The following VWDE variants were observed in gnomAD, a reference collection of about 807,000 sequenced individuals.
The protein encoded by VWDE is von Willebrand factor D and EGF domains.
Under a neutral mutation model 178.4 loss-of-function variants are expected in VWDE, and 207 were observed. The observed-to-expected ratio is 1.16, with a 90% CI of 1.04 to 1.30. The LOEUF is 1.30. Among genes scored for constraint, VWDE ranks in the 50% most tolerant of loss-of-function variants. The pLI is 0.00. For synonymous variants in VWDE, 738 were observed against 651.4 expected (o/e 1.13, Z -2.02); for missense variants, 2,287 against 1,901.3 (o/e 1.20, Z -3.77).
At position 12,342,144 on chromosome 7, in the gene VWDE, G is replaced by C. The variant is rs1004671794; in HGVS notation, c.4185C>G (p.Asn1395Lys). 2 of 1,551,138 alleles carry C rather than the reference G, an allele frequency of 1.3e-6. No homozygotes were observed. The highest frequency in any genetic ancestry group is 2.7e-5 in the African/African-American group (2 of 73,034). Residue 1395 changes from asparagine (N) to lysine (K), a missense_variant, in exon 23 of 29, where the codon AAC (asparagine) becomes AAG (lysine). Coordinates refer to ENST00000275358, the MANE Select transcript of VWDE (RefSeq NM_001135924.3). ...ACTGGCCTCCATTTTCACAGTGCCT[G>C]TTACAAACCACTGAGATCATAGAAT... is the stretch of plus-strand genomic sequence containing the variant. The part of the protein sequence containing the change: ...VGPRCETMVC[N>K]RHCENGGQCL...
chr7:12,354,475 T>C (rs1437600213), intron 18 of VWDE: 2 of 379,696 alleles, frequency 5.3e-6, no homozygotes, highest in Non-Finnish European at 1.0e-5. Context: ...AACATCTTCC[T>C]GGCAATTTTT....
At chr7:12,382,773 C>T (rs896800286) in intron 4 of VWDE, among the ~76,000 whole-genome samples, 1 of 151,774 alleles carries the variant, frequency 6.6e-6, no homozygotes, top group Non-Finnish European at 1.5e-5. Context: ...TAAATAATTT[C>T]AATTTCTGCC....
chr7:12,367,696 T>C (rs1782938037), intron 12 of VWDE, among the ~76,000 whole-genome samples: 1 of 152,036 alleles, frequency 6.6e-6, no homozygotes, highest in Non-Finnish European at 1.5e-5. Flanking sequence ...AAACCAATAA[T>C]AATATTACAA....
intron 10 of VWDE, among the ~76,000 whole-genome samples, chr7:12,371,396 T>A (rs1783191576): frequency 6.6e-6 from 1 of 152,104 alleles, no homozygotes; most frequent in African/African-American, 2.4e-5. Flanking sequence ...GTTTGCTGAA[T>A]GACCCTAGTA....
chr7:12,338,788 T>G (rs73292380), intron 24 of VWDE, among the ~76,000 whole-genome samples: 2,362 of 152,218 alleles, frequency 0.016, 52 homozygotes, highest in African/African-American at 0.054. Flanking sequence ...GAAGGTGTAT[T>G]TAAATATCTC....
At chr7:12,392,521 A>G (rs966339676) in intron 2 of VWDE, among the ~76,000 whole-genome samples, 2 of 152,162 alleles carry the variant, frequency 1.3e-5, no homozygotes, top group Non-Finnish European at 2.9e-5. Flanking sequence ...CTATGAACGA[A>G]TTAGGGGAAC....
chr7:12,335,084 T>C (rs536838341), intron 27 of VWDE, among the ~76,000 whole-genome samples: 2 of 152,252 alleles, frequency 1.3e-5, no homozygotes, highest in East Asian at 1.9e-4. Flanking sequence ...AAGGGTATGG[T>C]TCATAAGACA....
intron 19 of VWDE, among the ~76,000 whole-genome samples, chr7:12,350,649 G>T (rs1408877028): frequency 6.6e-6 from 1 of 151,778 alleles, no homozygotes; most frequent in Non-Finnish European, 1.5e-5. Context: ...TGAGACCCTG[G>T]TCTCTTCAGT....
At chr7:12,390,509 G>A (rs1312699768) in intron 2 of VWDE, among the ~76,000 whole-genome samples, 1 of 151,344 alleles carries the variant, frequency 6.6e-6, no homozygotes, top group Non-Finnish European at 1.5e-5. Context: ...CAAAGCAAAG[G>A]AAAAACATAA....
At chr7:12,357,539 T>A in intron 16 of VWDE, 24 bp from the exon 17 acceptor site, 2 of 1,549,308 alleles carry the variant, frequency 1.3e-6, no homozygotes, top group Non-Finnish European at 1.7e-6. Flanking sequence ...AACACTTAAC[T>A]TTATACCCGT....
At chr7:12,380,368 A>C (rs1783777415) in intron 5 of VWDE, 118 bp downstream of exon 5, 1 of 1,357,096 alleles carries the variant, frequency 7.4e-7, no homozygotes, top group African/African-American at 1.5e-5. Context: ...AACAAAAAGA[A>C]AAATATTAGG....
intron 27 of VWDE, among the ~76,000 whole-genome samples, chr7:12,334,862 C>T (rs1180834085): frequency 6.6e-6 from 1 of 152,076 alleles, no homozygotes; most frequent in Non-Finnish European, 1.5e-5. Flanking sequence ...GTTGAGGTTG[C>T]TAACTTTTTT....
chr7:12,345,736 C>A (rs2128548053), intron 19 of VWDE, among the ~76,000 whole-genome samples: 1 of 152,254 alleles, frequency 6.6e-6, no homozygotes, highest in East Asian at 1.9e-4. Flanking sequence ...ACTTCCAACT[C>A]ACCCAGACTG....
intron 19 of VWDE, among the ~76,000 whole-genome samples, chr7:12,349,455 T>G (rs1781807129): frequency 6.6e-6 from 1 of 151,294 alleles, no homozygotes; most frequent in South Asian, 2.1e-4. Context: ...ATTTATAATT[T>G]AAACTTTGAG....
In VWDE at chr7:12,340,302, T is replaced by C. The variant is rs914669049; in HGVS notation, c.4366+20A>G. 3 of 1,531,942 alleles carry C rather than the reference T, an allele frequency of 2.0e-6. No homozygotes were observed. Among genetic ancestry groups the C allele is most frequent in the South Asian group, 1.2e-5 (1 of 82,798 alleles). The allele number at this position is 1,531,942 out of a possible 1,614,324, so 94.9% of individuals were successfully genotyped here. On this transcript the variant is annotated intron_variant, in intron 24 of 28. Transcript: ENST00000275358. ...TAACTTTCCATTTGCCCTTTTTACA[T>C]ACAAAGAAAGAATAATTACCATTCT...
At chr7:12,397,351 A>T (rs139646771) in intron 1 of VWDE, among the ~76,000 whole-genome samples, 2 of 152,332 alleles carry the variant, frequency 1.3e-5, no homozygotes, top group Admixed American at 1.3e-4. Context: ...TGGTCCTTGG[A>T]TAACTGGCTA....
intron 13 of VWDE, among the ~76,000 whole-genome samples, chr7:12,362,086 C>T (rs1782613082): frequency 6.6e-6 from 1 of 151,944 alleles, no homozygotes; most frequent in African/African-American, 2.4e-5. Context: ...TGTCAGTTGG[C>T]CTCTGATGGC....
At chr7:12,376,598 A>G (rs1482547443) in intron 7 of VWDE, among the ~76,000 whole-genome samples, 1 of 152,146 alleles carries the variant, frequency 6.6e-6, no homozygotes, top group Non-Finnish European at 1.5e-5. Flanking sequence ...GAAAACATCA[A>G]TAACATCATC....
At position 12,383,572 on chromosome 7, in the gene VWDE, C is replaced by T; in HGVS notation, c.505G>A (p.Gly169Ser). The change falls in exon 4 of 29, where the codon GGT becomes AGT. Residue 169 changes from glycine (G) to serine (S), a missense_variant. Gly to Ser is a moderately conservative substitution (Grantham distance 56). Transcript: ENST00000275358. Reference sequence around the variant, plus strand: ...CCTCCTGTTTCAGTTTCATCAGAACCACATGGGTGTAATCGTGCATCAGAA... The same window carrying T: ...CCTCCTGTTTCAGTTTCATCAGAACTACATGGGTGTAATCGTGCATCAGAA... ...AISDARLHPC[G>S]SDETETGGDC... is the part of the protein sequence containing the mutation. 6.4e-7 allele frequency: 1 copy of T among 1,550,480 alleles called. No homozygotes were observed. The highest frequency in any genetic ancestry group is 8.7e-7 in the Non-Finnish European group (1 of 1,146,024).
Sources: allele counts gnomAD v4.1 joint callset (sites outside exome capture counted in the v4.1 genomes callset), GRCh38; gene constraint gnomAD v4.1.1; transcripts MANE v1.5; gene names NCBI Gene and HGNC (gene_info 2026-07-23, HGNC 2026-07-21).